The following INPP4B variants were observed in gnomAD, a reference collection of about 807,000 sequenced individuals.
INPP4B encodes the protein inositol polyphosphate 4-phosphatase type II.
In INPP4B, 55 loss-of-function variants were observed where a neutral mutation model predicts 122.5. That is an observed-to-expected ratio of 0.45 (90% CI 0.36 to 0.56). The LOEUF (loss-of-function observed/expected upper bound fraction) is 0.56. Ranked by LOEUF, INPP4B falls within the 20% of genes least tolerant of loss-of-function variation. INPP4B has a pLI of 0.00. For missense variants in INPP4B, 1,000 were observed against 1,097.7 expected, an observed-to-expected ratio of 0.91 and a Z score of 1.26; for synonymous variants, 403 against 388.7, an observed-to-expected ratio of 1.04 and a Z score of -0.43.
chr4:142,626,642 C>T (rs1746477336), intron 2 of INPP4B, among the ~76,000 whole-genome samples: 1 of 152,026 alleles, frequency 6.6e-6, no homozygotes, highest in African/African-American at 2.4e-5. Flanking sequence ...AGTTACACCA[C>T]ACCCAGACTT....
At chr4:142,245,726 C>T (rs1364248920) in intron 11 of INPP4B, among the ~76,000 whole-genome samples, 1 of 150,522 alleles carries the variant, frequency 6.6e-6, no homozygotes, top group Admixed American at 6.6e-5. Context: ...AGATGTGTGG[C>T]GTTATTTCTG....
chr4:142,360,650 A>G (rs1386826267), intron 7 of INPP4B, among the ~76,000 whole-genome samples: 2 of 151,986 alleles, frequency 1.3e-5, no homozygotes, highest in Middle Eastern at 3.2e-3. Flanking sequence ...TAATTCTGCA[A>G]ATCCCACAGG....
At chr4:142,119,681 G>A (rs1428117860) in intron 21 of INPP4B, among the ~76,000 whole-genome samples, 1 of 151,678 alleles carries the variant, frequency 6.6e-6, no homozygotes, top group Non-Finnish European at 1.5e-5. Context: ...AGCATTAGGA[G>A]ATATACCTAA....
intron 4 of INPP4B, among the ~76,000 whole-genome samples, chr4:142,429,717 A>C (rs1373293507): frequency 1.3e-5 from 2 of 152,106 alleles, no homozygotes; most frequent in Admixed American, 6.6e-5. Flanking sequence ...AGCTCAAACC[A>C]ACATTTTGTA....
At chr4:142,837,709 A>G (rs1782972451) in intron 1 of INPP4B, among the ~76,000 whole-genome samples, 1 of 152,198 alleles carries the variant, frequency 6.6e-6, no homozygotes, top group Non-Finnish European at 1.5e-5. Flanking sequence ...AATGATTTAT[A>G]TCTTCCAGAA....
intron 15 of INPP4B, among the ~76,000 whole-genome samples, chr4:142,187,106 C>A (rs1833507003): frequency 6.6e-6 from 1 of 151,758 alleles, no homozygotes; most frequent in African/African-American, 2.4e-5. Context: ...AATGTACTCC[C>A]AAGGAATCAA....
intron 7 of INPP4B, among the ~76,000 whole-genome samples, chr4:142,325,858 T>C (rs1188242561): frequency 6.6e-6 from 1 of 152,220 alleles, no homozygotes; most frequent in African/African-American, 2.4e-5. Context: ...CATATAATTC[T>C]GAGTATCCCT....
intron 2 of INPP4B, among the ~76,000 whole-genome samples, chr4:142,708,040 G>T (rs1179755574): frequency 6.6e-6 from 1 of 152,178 alleles, no homozygotes; most frequent in Non-Finnish European, 1.5e-5. Flanking sequence ...TTTGTTATGC[G>T]TTAGCAAAGA....
At chr4:142,666,960 A>C (rs1271680597) in intron 2 of INPP4B, among the ~76,000 whole-genome samples, 4 of 152,198 alleles carry the variant, frequency 2.6e-5, no homozygotes, top group Non-Finnish European at 5.9e-5. Context: ...CCCATATTTT[A>C]AAACATGGAC....
At chr4:142,734,087 A>T (rs1016412617) in intron 1 of INPP4B, among the ~76,000 whole-genome samples, 1 of 152,198 alleles carries the variant, frequency 6.6e-6, no homozygotes, top group Non-Finnish European at 1.5e-5. Flanking sequence ...GTCTTTGGCA[A>T]TAGGGCCTCT....
chr4:142,694,539 G>T (rs558018589), intron 2 of INPP4B, among the ~76,000 whole-genome samples: 69 of 151,992 alleles, frequency 4.5e-4, no homozygotes, highest in Non-Finnish European at 8.8e-4. Context: ...GGTCAGGCAG[G>T]TCAGATACTG....
At chr4:142,310,634 T>C (rs1444460721) in intron 8 of INPP4B, among the ~76,000 whole-genome samples, 1 of 151,736 alleles carries the variant, frequency 6.6e-6, no homozygotes, top group Non-Finnish European at 1.5e-5. Flanking sequence ...ACACAACATC[T>C]CTTACACATA....
At chr4:142,734,400 G>A (rs772605145) in intron 1 of INPP4B, among the ~76,000 whole-genome samples, 3 of 152,156 alleles carry the variant, frequency 2.0e-5, no homozygotes, top group Non-Finnish European at 2.9e-5. Flanking sequence ...ATATAAAAGT[G>A]GGAGGAAACG....
At chr4:142,362,626 G>A (rs990909676) in intron 7 of INPP4B, among the ~76,000 whole-genome samples, 1 of 151,926 alleles carries the variant, frequency 6.6e-6, no homozygotes, top group East Asian at 2.0e-4. Context: ...CCTACAAGAT[G>A]TGTGAAGGGT....
At chr4:142,606,143 C>G (rs1280813568) in intron 2 of INPP4B, among the ~76,000 whole-genome samples, 3 of 151,750 alleles carry the variant, frequency 2.0e-5, no homozygotes, top group African/African-American at 7.3e-5. Context: ...ATAAGCCAGG[C>G]ACAGAAAGAC....
intron 2 of INPP4B, among the ~76,000 whole-genome samples, chr4:142,612,198 A>G (rs1742687991): frequency 6.6e-6 from 1 of 152,196 alleles, no homozygotes; most frequent in South Asian, 2.1e-4. Flanking sequence ...GAGTTGGCAA[A>G]GGAAGCTCAC....
At chr4:142,302,257 C>A (rs1761746580) in intron 9 of INPP4B, among the ~76,000 whole-genome samples, 1 of 152,154 alleles carries the variant, frequency 6.6e-6, no homozygotes, top group African/African-American at 2.4e-5. Context: ...CTAGTCATCA[C>A]CTTCTGTAAG....
chr4:142,472,230 C>A (rs962141507), intron 2 of INPP4B, among the ~76,000 whole-genome samples: 1 of 150,004 alleles, frequency 6.7e-6, no homozygotes, highest in East Asian at 2.0e-4. Context: ...AAAATCTGAA[C>A]AATTAATTTA....
At chr4:142,735,610 G>A (rs1232340729) in intron 1 of INPP4B, among the ~76,000 whole-genome samples, 1 of 152,112 alleles carries the variant, frequency 6.6e-6, no homozygotes, top group Non-Finnish European at 1.5e-5. Context: ...TGAAGGCAGG[G>A]AGCTGCCACA....
Sources: allele counts gnomAD v4.1 joint callset (sites outside exome capture counted in the v4.1 genomes callset), GRCh38; gene constraint gnomAD v4.1.1; transcripts MANE v1.5; gene names NCBI Gene and HGNC (gene_info 2026-07-23, HGNC 2026-07-21).